ARAP2: variants seen among roughly 807,000 people sequenced by gnomAD.
The protein encoded by ARAP2 is ArfGAP with RhoGAP domain, ankyrin repeat and PH domain 2, also known as arf-GAP with Rho-GAP domain, ANK repeat and PH domain-containing protein 2.
A neutral mutation model predicts 194.5 loss-of-function variants in ARAP2; 148 were observed. The observed-to-expected ratio is 0.76, with a 90% CI of 0.67 to 0.87. The LOEUF (loss-of-function observed/expected upper bound fraction) is 0.87. ARAP2 is among the 40% of genes least tolerant of loss of function. The pLI is 0.00. For missense variants in ARAP2, 2,128 were observed against 1,989.7 expected, an observed-to-expected ratio of 1.07 and a Z score of -1.32; for synonymous variants, 695 against 683.5, an observed-to-expected ratio of 1.02 and a Z score of -0.26.
At chr4:36,135,853 C>T (rs938722473) in intron 19 of ARAP2, among the ~76,000 whole-genome samples, 5 of 151,604 alleles carry the variant, frequency 3.3e-5, no homozygotes, top group Non-Finnish European at 5.9e-5. Context: ...ACAACTACAA[C>T]GGGTGTTTTA....
chr4:36,091,558 C>A (rs2068060717), intron 28 of ARAP2, among the ~76,000 whole-genome samples: 1 of 152,052 alleles, frequency 6.6e-6, no homozygotes, highest in Non-Finnish European at 1.5e-5. Flanking sequence ...TAATCTGAAG[C>A]CTTTTATTTT....
At chr4:36,193,214 T>G (rs1453352250) in intron 7 of ARAP2, among the ~76,000 whole-genome samples, 1 of 152,182 alleles carries the variant, frequency 6.6e-6, no homozygotes, top group Non-Finnish European at 1.5e-5. Flanking sequence ...TATATTCTTC[T>G]GTCCTGCAGC....
chr4:36,120,554 T>C (rs1366149981), intron 23 of ARAP2, among the ~76,000 whole-genome samples: 1 of 151,648 alleles, frequency 6.6e-6, no homozygotes, highest in Non-Finnish European at 1.5e-5. Context: ...ACTAGTTATA[T>C]AATAGAACTG....
At chr4:36,212,529 CT>C (rs746763622) in intron 4 of ARAP2, 42 bp from the exon 5 acceptor site, 4 of 1,476,832 alleles carry the variant, frequency 2.7e-6, no homozygotes, top group South Asian at 2.3e-5. Flanking sequence ...TACTGTTTTG[CT>C]TTTTGGTTTG....
chr4:36,010,841 T>A (rs1169167095), intron 9 of ARAP2, among the ~76,000 whole-genome samples: 3 of 152,186 alleles, frequency 2.0e-5, no homozygotes, highest in African/African-American at 7.2e-5. Flanking sequence ...GCGGAGCAGT[T>A]TGACTAGTTC....
At chr4:36,095,468 A>T (rs1189969754) in intron 27 of ARAP2, among the ~76,000 whole-genome samples, 1 of 152,138 alleles carries the variant, frequency 6.6e-6, no homozygotes, top group Non-Finnish European at 1.5e-5. Flanking sequence ...AGAAAAGGGG[A>T]TTGAAGACTA....
At chr4:36,145,219 A>C (rs1414399141) in intron 19 of ARAP2, among the ~76,000 whole-genome samples, 1 of 151,964 alleles carries the variant, frequency 6.6e-6, no homozygotes, top group East Asian at 1.9e-4. Flanking sequence ...CCAAAAAGAC[A>C]CCTGAACTCA....
rs1490691736 is a variant in ARAP2, at chr4:36,160,890, G to A, written c.2260-249C>T. Among the ~76,000 whole-genome samples the A allele has an allele frequency of 3.3e-5, 5 of 152,228 alleles. No individual in the cohort carries two copies. The East Asian group carries it at 9.6e-4, about 29-fold the overall frequency. On this transcript the variant is annotated intron_variant, in intron 12 of 32. Coordinates refer to ENST00000303965, the MANE Select transcript of ARAP2 (RefSeq NM_015230.4). ...GAAAGAATTGCAAACAACACAAATT[G>A]TAGCAAAAGTATTTTCATTCTTTGA...
chr4:36,127,866 A>G (rs577033104), intron 21 of ARAP2, among the ~76,000 whole-genome samples: 1 of 152,084 alleles, frequency 6.6e-6, no homozygotes, highest in Non-Finnish European at 1.5e-5. Flanking sequence ...AGGTGGAATG[A>G]AAGGCAATGC....
At chr4:36,152,672 A>AT (rs940832061) in intron 15 of ARAP2, among the ~76,000 whole-genome samples, 4 of 76,742 alleles carry the variant, frequency 5.2e-5, no homozygotes, top group Admixed American at 2.5e-4. Flanking sequence ...TACTGAAGTG[A>AT]TAAAAAAAAA....
intron 2 of ARAP2, among the ~76,000 whole-genome samples, chr4:36,226,025 AAC>A (rs1256630593): frequency 1.3e-5 from 2 of 152,186 alleles, no homozygotes; most frequent in Non-Finnish European, 2.9e-5. Flanking sequence ...AGGAAAAACA[AAC>A]AGTGAAGTCT....
chr4:36,163,156 T>C (rs1261706290), intron 11 of ARAP2, among the ~76,000 whole-genome samples: 2 of 151,540 alleles, frequency 1.3e-5, no homozygotes, highest in African/African-American at 4.9e-5. Flanking sequence ...AAGTGATAAA[T>C]AATATCACTC....
At chr4:36,210,270 C>A in intron 6 of ARAP2, 120 bp downstream of exon 6, 1 of 863,786 alleles carries the variant, frequency 1.2e-6, no homozygotes, top group Non-Finnish European at 1.7e-6. Context: ...AAAATGGCAT[C>A]TCTGTGTATG....
intron 6 of ARAP2, among the ~76,000 whole-genome samples, chr4:36,205,359 A>G (rs2109247012): frequency 6.6e-6 from 1 of 152,320 alleles, no homozygotes; most frequent in Non-Finnish European, 1.5e-5. Flanking sequence ...AGTAACTACA[A>G]AAGAGTTGAA....
intron 9 of ARAP2, among the ~76,000 whole-genome samples, chr4:36,170,534 A>T (rs548307856): frequency 1.3e-5 from 2 of 152,376 alleles, no homozygotes; most frequent in South Asian, 2.1e-4. Context: ...AATTTCAAAT[A>T]AGCAGGCCAG....
intron 3 of ARAP2, among the ~76,000 whole-genome samples, chr4:36,049,376 G>T (rs1485054759): frequency 6.6e-6 from 1 of 152,072 alleles, no homozygotes; most frequent in African/African-American, 2.4e-5. Context: ...TCTACAGCAG[G>T]TGGCAAAACT....
At chr4:36,032,462 C>T (rs1719146281) in intron 5 of ARAP2, among the ~76,000 whole-genome samples, 1 of 152,070 alleles carries the variant, frequency 6.6e-6, no homozygotes, top group African/African-American at 2.4e-5. Flanking sequence ...AAATTGAGTA[C>T]AGAAACTAAA....
At chr4:36,114,023 C>A in intron 26 of ARAP2, 147 bp downstream of exon 26, 1 of 630,860 alleles carries the variant, frequency 1.6e-6, no homozygotes, top group East Asian at 3.0e-5. Context: ...CATAAAAAGG[C>A]AACCTCAAAC....
intron 1 of ARAP2, among the ~76,000 whole-genome samples, chr4:36,237,206 C>T (rs73130491): frequency 1.5e-3 from 229 of 152,286 alleles, no homozygotes; most frequent in African/African-American, 5.0e-3. Context: ...TGATATAAGG[C>T]AACAATATGA....
Sources: gnomAD v4.1 joint callset for allele counts (sites outside exome capture counted in the v4.1 genomes callset) on GRCh38, gnomAD v4.1.1 for gene constraint, MANE v1.5 for transcripts, NCBI Gene and HGNC (gene_info 2026-07-23, HGNC 2026-07-21) for gene names.